ARPC2: variants seen among roughly 807,000 people sequenced by gnomAD.
The protein encoded by ARPC2 is actin related protein 2/3 complex subunit 2.
Under a neutral mutation model 38.6 loss-of-function variants are expected in ARPC2, and 4 were observed. That is an observed-to-expected ratio of 0.10 (90% CI 0.05 to 0.24). The LOEUF (loss-of-function observed/expected upper bound fraction) is 0.24. Ranked by LOEUF, ARPC2 falls within the 10% of genes least tolerant of loss-of-function variation. The probability of loss-of-function intolerance (pLI) is 1.00; values close to 1 mark genes in which losing one functional copy is unlikely to be tolerated. For missense variants in ARPC2, 229 were observed against 387.3 expected, an observed-to-expected ratio of 0.59 and a Z score of 3.43; for synonymous variants, 125 against 140.8, an observed-to-expected ratio of 0.89 and a Z score of 0.79.
chr2:218,228,797 G>A lies in ARPC2; in HGVS notation c.169G>A (p.Val57Ile). 1 of 1,611,776 alleles carries A rather than the reference G, an allele frequency of 6.2e-7. No individual in the cohort carries two copies. Among genetic ancestry groups the A allele is most frequent in the Middle Eastern group, 1.7e-4 (1 of 6,056 alleles). Residue 57 changes from valine to isoleucine, a missense_variant, in exon 4 of 11, where the codon GTC (valine) becomes ATC (isoleucine). Transcript: ENST00000315717. ...NPNGDKTKVM[V>I]SISLKFYKEL... is the part of the protein sequence containing the mutation. ...TAATGGAGACAAAACAAAAGTGATG[G>A]TCAGTATTTCTTTGAAATTCTACAA... is the stretch of plus-strand genomic sequence containing the variant.
At chr2:218,246,302 C>T (rs1471280610) in intron 8 of ARPC2, among the ~76,000 whole-genome samples, 2 of 151,790 alleles carry the variant, frequency 1.3e-5, no homozygotes, top group Non-Finnish European at 2.9e-5. Context: ...ATGGGCAGAT[C>T]ACCTGAGGTC....
Position 218,254,186 on chromosome 2 carries a change from C to T in ARPC2, c.*271C>T. ...CTTCCCTCCCTCACTTCCCTTTTCT[C>T]CCACCCTCTTTTCCAAGCTGTTTCG... is the stretch of plus-strand genomic sequence containing the variant. On this transcript the variant is annotated 3_prime_UTR_variant, in exon 11 of 11. Transcript: ENST00000315717. 2.3e-6 allele frequency: 1 copy of T among 441,938 alleles called. No individual in the cohort carries two copies. The highest frequency in any genetic ancestry group is 4.0e-6 in the Non-Finnish European group (1 of 248,584). The allele number at this position is 441,938 out of a possible 1,614,324, so 27.4% of individuals were successfully genotyped here.
In ARPC2 at chr2:218,225,121, T is replaced by C. The variant is rs80305166; in HGVS notation, c.75-799T>C. ...CTGTTCTTGTGTTATATGTAGTAGT[T>C]CCATGAGGTAAATAGGTTCATTTTT... On this transcript the variant is annotated intron_variant, in intron 2 of 10. Coordinates refer to ENST00000315717, the MANE Select transcript of ARPC2 (RefSeq NM_152862.3). 6.3e-3 allele frequency among the ~76,000 whole-genome samples: 963 copies of C among 152,334 alleles called. 10 individuals carry two copies. The highest frequency in any genetic ancestry group is 0.022 in the African/African-American group (929 of 41,570).
chr2:218,248,777 G>A (rs1369376832), intron 8 of ARPC2, among the ~76,000 whole-genome samples: 1 of 152,196 alleles, frequency 6.6e-6, no homozygotes, highest in Admixed American at 6.6e-5. Flanking sequence ...CAGGTCTTTA[G>A]GTGGCTGGTG....
At chr2:218,233,912 C>T (rs1367726500) in intron 4 of ARPC2, 1 of 155,366 alleles carries the variant, frequency 6.4e-6, no homozygotes, top group East Asian at 1.9e-4. Context: ...TGCCTATAAT[C>T]CCAGCACTTT....
intron 5 of ARPC2, chr2:218,234,652 C>T (rs907006208): frequency 1.3e-5 from 7 of 527,544 alleles, no homozygotes; most frequent in East Asian, 1.0e-4. Context: ...ATGACTCTTA[C>T]TTAATCTTTC....
chr2:218,241,016 G>A (rs1255261540), intron 7 of ARPC2, among the ~76,000 whole-genome samples: 1 of 152,228 alleles, frequency 6.6e-6, no homozygotes, highest in Non-Finnish European at 1.5e-5. Context: ...GGATGGACAT[G>A]AGAGTTCATT....
intron 3 of ARPC2, among the ~76,000 whole-genome samples, 159 bp downstream of exon 3, chr2:218,226,113 G>A (rs954669913): frequency 1.3e-5 from 2 of 151,880 alleles, no homozygotes; most frequent in Non-Finnish European, 2.9e-5. Context: ...TGGCAAACAT[G>A]GTGAAACCCC....
In ARPC2 at chr2:218,249,440, G is replaced by A. The variant is rs56366244; in HGVS notation, c.753G>A (p.Leu251=). ...TGATCCACACGTTCCGGGACTACCT[G>A]CACTACCACATCAAGTGCTCTAAGG... The part of the protein sequence containing the change: ...INLIHTFRDY[L]HYHIKCSKAY... Residue 251 remains leucine (L), a synonymous_variant, in exon 9 of 11, where the codon CTG becomes CTA. Transcript: ENST00000315717. 1.9e-6 allele frequency: 3 copies of A among 1,612,360 alleles called. No individual in the cohort carries two copies. Among genetic ancestry groups the A allele is most frequent in the Non-Finnish European group, 8.5e-7 (1 of 1,178,788 alleles).
At chr2:218,240,620 GGTGGCTGACGCCT>G (rs1213436821) in intron 7 of ARPC2, among the ~76,000 whole-genome samples, 2 of 152,134 alleles carry the variant, frequency 1.3e-5, no homozygotes, top group Non-Finnish European at 2.9e-5. Context: ...GGCCAGGCGC[GGTGGCTGACGCCT>G]GTAATCCCAG....
At chr2:218,234,201 C>A in intron 4 of ARPC2, 151 bp from the exon 5 acceptor site, 1 of 570,798 alleles carries the variant, frequency 1.8e-6, no homozygotes, top group Non-Finnish European at 3.0e-6. Context: ...AAATCCACTT[C>A]CCCTCTGTCT....
chr2:218,228,992 A>T, intron 4 of ARPC2, 142 bp downstream of exon 4: 1 of 555,280 alleles, frequency 1.8e-6, no homozygotes, highest in South Asian at 2.1e-5. Context: ...CTTGATTCCT[A>T]TAATGAATTG....
chr2:218,226,568 G>T (rs926281596), intron 3 of ARPC2, among the ~76,000 whole-genome samples: 6 of 138,002 alleles, frequency 4.3e-5, no homozygotes, highest in African/African-American at 8.0e-5. Flanking sequence ...GGCGGAGCTT[G>T]CAGTGAGCAG....
At chr2:218,230,058 A>C (rs149237485) in intron 4 of ARPC2, among the ~76,000 whole-genome samples, 1 of 151,626 alleles carries the variant, frequency 6.6e-6, no homozygotes, top group African/African-American at 2.4e-5. Context: ...GCAACCTCCA[A>C]CTCCTGGGTT....
At position 218,254,101 on chromosome 2, in the gene ARPC2, C is replaced by T. The variant is rs1299046752; in HGVS notation, c.*186C>T. On this transcript the variant is annotated 3_prime_UTR_variant, in exon 11 of 11. Coordinates refer to ENST00000315717, the MANE Select transcript of ARPC2 (RefSeq NM_152862.3). ...GTGCTTGCAAAGACTTCATAGTTCC[C>T]AAGAATTAAAAAAAAAAAAAAAAGA... 1 of 511,336 alleles carries T rather than the reference C, an allele frequency of 2.0e-6. No individual in the cohort carries two copies. The highest frequency in any genetic ancestry group is 3.2e-6 in the Non-Finnish European group (1 of 308,106). 31.7% of individuals were successfully genotyped at this position (511,336 alleles called of 1,614,324 possible). A position where few individuals can be genotyped will look rare whatever the true frequency, so the allele number is the denominator to read the frequency against.
At chr2:218,234,814 T>C (rs768885587) in intron 5 of ARPC2, 4 of 459,066 alleles carry the variant, frequency 8.7e-6, no homozygotes, top group South Asian at 6.2e-5. Context: ...TCTTGTGATT[T>C]CAAGTAATAA....
intron 8 of ARPC2, among the ~76,000 whole-genome samples, chr2:218,245,894 G>A (rs888902981): frequency 6.6e-6 from 1 of 152,124 alleles, no homozygotes; most frequent in Non-Finnish European, 1.5e-5. Flanking sequence ...TCCTTAGGTT[G>A]CTGGTTCGAT....
chr2:218,247,888 G>C (rs1458078080), intron 8 of ARPC2, among the ~76,000 whole-genome samples: 2 of 151,758 alleles, frequency 1.3e-5, no homozygotes, highest in African/African-American at 4.8e-5. Context: ...GCTTGCAATA[G>C]GCCAAGATCA....
chr2:218,249,543 A>G (rs1188200847), intron 9 of ARPC2, 79 bp downstream of exon 9: 1 of 1,146,810 alleles, frequency 8.7e-7, no homozygotes, highest in African/African-American at 1.6e-5. Context: ...AAGTCATTCC[A>G]TTAGTCTACG....
Sources: allele counts gnomAD v4.1 joint callset (sites outside exome capture counted in the v4.1 genomes callset), GRCh38; gene constraint gnomAD v4.1.1; transcripts MANE v1.5; gene names NCBI Gene and HGNC (gene_info 2026-07-23, HGNC 2026-07-21).